Variants in ASCC3 observed in about 807,000 individuals in gnomAD.
ASCC3 encodes the protein ASC-1 complex subunit P200.
Under a neutral mutation model 256.3 loss-of-function variants are expected in ASCC3, and 158 were observed. The observed-to-expected ratio is 0.62, with a 90% CI of 0.54 to 0.70. The LOEUF is 0.70. ASCC3 is among the 30% of genes least tolerant of loss of function. The pLI is 0.00. For missense variants in ASCC3, 2,259 were observed against 2,626.0 expected, an observed-to-expected ratio of 0.86 and a Z score of 3.05; for synonymous variants, 948 against 883.4, an observed-to-expected ratio of 1.07 and a Z score of -1.30.
intron 25 of ASCC3, among the ~76,000 whole-genome samples, chr6:100,631,457 A>G (rs1269843154): frequency 6.6e-6 from 1 of 151,982 alleles, no homozygotes; most frequent in South Asian, 2.1e-4. Context: ...ATTAACATAG[A>G]TGAATTTAAA....
intron 14 of ASCC3, among the ~76,000 whole-genome samples, chr6:100,679,097 C>T (rs561869233): frequency 6.6e-6 from 1 of 151,924 alleles, no homozygotes; most frequent in East Asian, 1.9e-4. Context: ...GCCTAAAGGT[C>T]TCCCTTTTTA....
At chr6:100,761,878 C>T (rs771132129) in intron 10 of ASCC3, among the ~76,000 whole-genome samples, 2 of 152,164 alleles carry the variant, frequency 1.3e-5, no homozygotes, top group South Asian at 2.1e-4. Flanking sequence ...ACTGCATATA[C>T]AATATCTGCC....
chr6:100,754,421 A>G (rs887992741), intron 10 of ASCC3, among the ~76,000 whole-genome samples: 1 of 152,222 alleles, frequency 6.6e-6, no homozygotes, highest in Admixed American at 6.5e-5. Flanking sequence ...AATAATAATC[A>G]TATCAAGAAG....
chr6:100,526,191 T>C (rs891270686), intron 37 of ASCC3, among the ~76,000 whole-genome samples: 3 of 152,206 alleles, frequency 2.0e-5, no homozygotes, highest in African/African-American at 4.8e-5. Flanking sequence ...GCTGTAACTA[T>C]GAGTAAAAGC....
At chr6:100,827,205 T>C (rs969570044) in intron 4 of ASCC3, among the ~76,000 whole-genome samples, 2 of 152,212 alleles carry the variant, frequency 1.3e-5, no homozygotes, top group Non-Finnish European at 2.9e-5. Flanking sequence ...ACATTTTGTG[T>C]TTTACATTCT....
At chr6:100,709,349 T>G (rs568379135) in intron 13 of ASCC3, among the ~76,000 whole-genome samples, 1 of 152,262 alleles carries the variant, frequency 6.6e-6, no homozygotes, top group African/African-American at 2.4e-5. Flanking sequence ...GAATAACCAA[T>G]AATAACCAAT....
At chr6:100,584,723 G>A (rs915989186) in intron 36 of ASCC3, among the ~76,000 whole-genome samples, 19 of 152,034 alleles carry the variant, frequency 1.2e-4, no homozygotes, top group East Asian at 3.9e-4. Flanking sequence ...GGCTGGTACC[G>A]GTTTTTCCTT....
At chr6:100,628,091 C>CAAAAAAAAAAAAAAA (rs80131727) in intron 27 of ASCC3, 104 bp from the exon 28 acceptor site, 5 of 844,502 alleles carry the variant, frequency 5.9e-6, no homozygotes, top group Non-Finnish European at 6.7e-6. Flanking sequence ...AAAACAAAAA[C>CAAAAAAAAAAAAAAA]AAAAAAAAAA....
intron 1 of ASCC3, among the ~76,000 whole-genome samples, chr6:100,873,368 T>C (rs773587200): frequency 6.6e-6 from 1 of 151,274 alleles, no homozygotes; most frequent in Non-Finnish European, 1.5e-5. Context: ...CCCCAAGAGG[T>C]CTGGGATTAT....
intron 36 of ASCC3, among the ~76,000 whole-genome samples, chr6:100,580,508 C>A (rs1771162224): frequency 6.6e-6 from 1 of 151,700 alleles, no homozygotes; most frequent in Non-Finnish European, 1.5e-5. Flanking sequence ...TGATTACCTT[C>A]TAGCTTATTG....
intron 37 of ASCC3, among the ~76,000 whole-genome samples, chr6:100,538,964 G>A (rs1309567318): frequency 3.3e-5 from 5 of 151,864 alleles, no homozygotes; most frequent in African/African-American, 7.3e-5. Flanking sequence ...CACCAAAACC[G>A]GCTCTTCTGA....
intron 36 of ASCC3, among the ~76,000 whole-genome samples, chr6:100,588,293 A>G (rs1771811155): frequency 6.6e-6 from 1 of 152,156 alleles, no homozygotes; most frequent in Non-Finnish European, 1.5e-5. Flanking sequence ...AAGGCAGAAA[A>G]GTATGGTTAA....
chr6:100,796,803 T>C (rs982721323), intron 8 of ASCC3, among the ~76,000 whole-genome samples: 3 of 152,154 alleles, frequency 2.0e-5, no homozygotes, highest in Non-Finnish European at 4.4e-5. Flanking sequence ...CAGACGAATA[T>C]AGTTTCACCA....
chr6:100,508,741 G>C lies in ASCC3; in HGVS notation c.*645C>G, dbSNP rs912245165. 6.6e-6 allele frequency: 1 copy of C among 152,174 alleles called. No individual in the cohort carries two copies. Among genetic ancestry groups the C allele is most frequent in the Non-Finnish European group, 1.5e-5 (1 of 68,090 alleles). 9.4% of individuals were successfully genotyped at this position (152,174 alleles called of 1,614,324 possible). On this transcript the variant is annotated 3_prime_UTR_variant, in exon 42 of 42. Coordinates refer to ENST00000369162, the MANE Select transcript of ASCC3 (RefSeq NM_006828.4). ...ACATTGAGTCAGCTTGTCTTGAAGT[G>C]CCACTCTATATTTTATTTCCCAGTT...
At chr6:100,620,392 T>C (rs1773891097) in intron 30 of ASCC3, among the ~76,000 whole-genome samples, 2 of 152,196 alleles carry the variant, frequency 1.3e-5, no homozygotes, top group Non-Finnish European at 2.9e-5. Context: ...ACATCAATGA[T>C]ACACTTGAAG....
intron 30 of ASCC3, among the ~76,000 whole-genome samples, chr6:100,608,118 C>A (rs36214354): frequency 0.021 from 482 of 23,270 alleles, 5 homozygotes; most frequent in Middle Eastern, 0.05. Context: ...GTATATATAT[C>A]TATATATACA....
At chr6:100,760,747 C>G (rs1004908657) in intron 10 of ASCC3, among the ~76,000 whole-genome samples, 5 of 152,016 alleles carry the variant, frequency 3.3e-5, no homozygotes, top group Non-Finnish European at 7.4e-5. Context: ...GAATCAGTGG[C>G]GTCAAACATA....
At chr6:100,725,403 C>T (rs1779574048) in intron 11 of ASCC3, 136 bp downstream of exon 11, 1 of 1,044,808 alleles carries the variant, frequency 9.6e-7, no homozygotes, top group East Asian at 2.6e-5. Context: ...AGGTACATTC[C>T]CCCTTTTAAA....
At chr6:100,568,368 G>GA (rs775239213) in intron 36 of ASCC3, among the ~76,000 whole-genome samples, 2,457 of 126,354 alleles carry the variant, frequency 0.019, 55 homozygotes, top group African/African-American at 0.064. Flanking sequence ...ACTCTTGTCT[G>GA]AAAAAAAAAA....
Sources: gnomAD v4.1 joint callset for allele counts (sites outside exome capture counted in the v4.1 genomes callset) on GRCh38, gnomAD v4.1.1 for gene constraint, MANE v1.5 for transcripts, NCBI Gene and HGNC (gene_info 2026-07-23, HGNC 2026-07-21) for gene names.